Variants in CENPE observed in about 807,000 individuals in gnomAD.
The protein encoded by CENPE is centromere protein E, also known as centromere-associated protein E.
In CENPE, 145 loss-of-function variants were observed where a neutral mutation model predicts 336.1. The ratio of observed to expected loss-of-function variants is 0.43; its 90% CI spans 0.38 to 0.50. The LOEUF (loss-of-function observed/expected upper bound fraction) is 0.50. CENPE is among the 20% of genes least tolerant of loss of function. The pLI is 0.00. For missense variants in CENPE, 2,719 were observed against 3,023.3 expected, an observed-to-expected ratio of 0.90 and a Z score of 2.36; for synonymous variants, 1,013 against 984.8, an observed-to-expected ratio of 1.03 and a Z score of -0.54.
intron 17 of CENPE, 109 bp from the exon 18 acceptor site, chr4:103,163,365 A>C: frequency 1.6e-6 from 2 of 1,279,164 alleles, no homozygotes; most frequent in South Asian, 2.7e-5. Context: ...ATTCAAAGTC[A>C]CTAATATTTT....
chr4:103,119,284 T>C (rs1290107773), intron 44 of CENPE, among the ~76,000 whole-genome samples: 2 of 152,208 alleles, frequency 1.3e-5, no homozygotes, highest in Admixed American at 6.5e-5. Flanking sequence ...TGTTTTTTCA[T>C]TGGCCTCTAG....
At chr4:103,197,417 C>A (rs1309396553) in intron 1 of CENPE, among the ~76,000 whole-genome samples, 1 of 152,214 alleles carries the variant, frequency 6.6e-6, no homozygotes. Context: ...GCTAATAACT[C>A]CTCTAGCAAA....
intron 40 of CENPE, 32 bp from the exon 41 acceptor site, chr4:103,133,924 T>C (rs1370651119): frequency 1.4e-6 from 2 of 1,413,670 alleles, no homozygotes; most frequent in South Asian, 1.2e-5. Context: ...AATTGGTAAA[T>C]GAAAATTTTG....
Position 103,158,615 on chromosome 4 carries a change from A to C in CENPE, c.2873T>G (p.Met958Arg), listed in dbSNP as rs1261675046. The change falls in exon 23 of 49, where the codon ATG (methionine) becomes AGG (arginine). Residue 958 changes from methionine (M) to arginine (R), a missense_variant and splice_region_variant. Around this residue, in one of 5 missense-constraint regions of CENPE, gnomAD observed 2,437 missense variants for 2,513.3 expected, o/e 0.97. Transcript: ENST00000265148. Reference sequence around the variant, plus strand: ...AAGTTTAATCAATCAAAACCTTACCATGTTAACAGTATCGTGAATATCACT... The same window carrying C: ...AAGTTTAATCAATCAAAACCTTACCCTGTTAACAGTATCGTGAATATCACT... ...LKSDIHDTVN[M>R]NIDTQEQLRN... 3 of 1,591,618 alleles carry C rather than the reference A, an allele frequency of 1.9e-6. No homozygotes were observed. Among genetic ancestry groups the C allele is most frequent in the African/African-American group, 1.4e-5 (1 of 73,344 alleles).
Position 103,159,226 on chromosome 4 carries a change from A to C in CENPE, c.2385T>G (p.Leu795=). 1 of 1,612,386 alleles carries C rather than the reference A, an allele frequency of 6.2e-7. No individual in the cohort carries two copies. The highest frequency in any genetic ancestry group is 8.5e-7 in the Non-Finnish European group (1 of 1,178,934). Residue 795 remains leucine (L), a synonymous_variant, in exon 22 of 49, where the codon CTT becomes CTG. Coordinates refer to ENST00000265148, the MANE Select transcript of CENPE (RefSeq NM_001813.3). ...CATCTTTTGTTTTCCCAATTTCTTC[A>C]AGTAAACCTTGAACTCTACTCTCCT... ...VHKESRVQGL[L]EEIGKTKDDL... is the part of the protein sequence containing the mutation.
At chr4:103,156,065 T>C (rs1187674955) in intron 24 of CENPE, among the ~76,000 whole-genome samples, 1 of 152,118 alleles carries the variant, frequency 6.6e-6, no homozygotes, top group African/African-American at 2.4e-5. Flanking sequence ...TGCTGAAAAC[T>C]GTAAATGTTG....
intron 13 of CENPE, among the ~76,000 whole-genome samples, chr4:103,178,346 G>C (rs540399064): frequency 5.3e-5 from 8 of 151,978 alleles, no homozygotes; most frequent in Non-Finnish European, 1.2e-4. Context: ...ACCTACAAAG[G>C]CTAGCCTATT....
At chr4:103,185,423 T>C (rs1756685777) in intron 9 of CENPE, among the ~76,000 whole-genome samples, 1 of 152,012 alleles carries the variant, frequency 6.6e-6, no homozygotes, top group Admixed American at 6.6e-5. Flanking sequence ...GTCTACTAAA[T>C]ATTTTAACTT....
chr4:103,161,253 T>C lies in CENPE; in HGVS notation c.1966-2A>G. The C allele has an allele frequency of 6.2e-7, 1 of 1,607,082 alleles. No homozygotes were observed. The highest frequency in any genetic ancestry group is 8.5e-7 in the Non-Finnish European group (1 of 1,177,534). On this transcript the variant is annotated splice_acceptor_variant, in intron 19 of 48. Transcript: ENST00000265148. LOFTEE classifies it high-confidence loss of function. ...CTTGTATGTAGTTGCAAGTTCTTTC[T>C]ATTGAGAAAAACATTGCAAATGCAC...
chr4:103,181,561 T>C, intron 11 of CENPE, 105 bp from the exon 12 acceptor site: 1 of 920,506 alleles, frequency 1.1e-6, no homozygotes, highest in East Asian at 3.3e-5. Context: ...AAATCAATAC[T>C]CTTTCTAGTT....
intron 26 of CENPE, 75 bp downstream of exon 26, chr4:103,151,144 T>G (rs569174951): frequency 2.2e-6 from 3 of 1,341,690 alleles, no homozygotes; most frequent in East Asian, 2.3e-5. Context: ...TGGATTTAGG[T>G]CTACAGAAAT....
chr4:103,163,411 AGTTACATAT>A (rs1281407430), intron 17 of CENPE, 59 bp downstream of exon 17: 15 of 1,281,376 alleles, frequency 1.2e-5, no homozygotes, highest in Non-Finnish European at 1.7e-5. Context: ...CATCATGTTC[AGTTACATAT>A]GTTGCATGTT....
At chr4:103,179,233 G>A (rs1373892614) in intron 13 of CENPE, among the ~76,000 whole-genome samples, 1 of 152,102 alleles carries the variant, frequency 6.6e-6, no homozygotes, top group Non-Finnish European at 1.5e-5. Context: ...CAACTCCAGA[G>A]CCACAATCTT....
chr4:103,151,144 T>C lies in CENPE; in HGVS notation c.3396+75A>G, dbSNP rs569174951. 30 of 1,341,690 alleles carry C rather than the reference T, an allele frequency of 2.2e-5. No individual in the cohort carries two copies. In the East Asian group the frequency reaches 6.3e-4, roughly 28 times the overall value. The allele number at this position is 1,341,690 out of a possible 1,614,324, so 83.1% of individuals were successfully genotyped here. A position where few individuals can be genotyped will look rare whatever the true frequency, so the allele number is the denominator to read the frequency against. The stretch of plus-strand genomic sequence containing the variant: ...GGTATGTGCTATTTCTGGATTTAGG[T>C]CTACAGAAATAAAAATTACCAAAAA... On this transcript the variant is annotated intron_variant, in intron 26 of 48. Transcript: ENST00000265148.
chr4:103,151,253 C>A lies in CENPE; in HGVS notation c.3362G>T (p.Arg1121Ile). The A allele has an allele frequency of 6.2e-7, 1 of 1,601,766 alleles. No individual in the cohort carries two copies. Among genetic ancestry groups the A allele is most frequent in the South Asian group, 1.1e-5 (1 of 87,046 alleles). ...TAGTTTTTCTTCAACTTCTGCCAGT[C>A]TGTCACAGGTCCTAGAAAGCTCTCC... Reference protein sequence around the residue: ...KEGELSRTCDRLAEVEEKLKE... With the variant: ...KEGELSRTCDILAEVEEKLKE... Residue 1121 changes from arginine (R) to isoleucine (I), a missense_variant, in exon 26 of 49, where the codon AGA becomes ATA. By Grantham distance (97) the Arg-to-Ile change is moderately conservative. Coordinates refer to ENST00000265148, the MANE Select transcript of CENPE (RefSeq NM_001813.3).
chr4:103,107,397 A>C (rs1485294948), intron 48 of CENPE, among the ~76,000 whole-genome samples: 1 of 152,206 alleles, frequency 6.6e-6, no homozygotes, highest in Non-Finnish European at 1.5e-5. Context: ...CTTAATCACA[A>C]AGTAGAGGTT....
intron 29 of CENPE, among the ~76,000 whole-genome samples, chr4:103,146,441 T>A (rs1056961784): frequency 3.9e-5 from 6 of 152,178 alleles, no homozygotes; most frequent in Admixed American, 6.5e-5. Context: ...ACGGCCCAAG[T>A]GTCAAATATA....
At chr4:103,156,456 AG>A (rs1217394630) in intron 24 of CENPE, among the ~76,000 whole-genome samples, 1 of 152,216 alleles carries the variant, frequency 6.6e-6, no homozygotes, top group Non-Finnish European at 1.5e-5. Context: ...ATCTTCAACA[AG>A]GATGCCAAGA....
At chr4:103,176,447 CAATTT>C in intron 14 of CENPE, among the ~76,000 whole-genome samples, 1 of 152,190 alleles carries the variant, frequency 6.6e-6, no homozygotes, top group East Asian at 1.9e-4. Flanking sequence ...ATATAACTAA[CAATTT>C]AATTGAATAA....
Sources: gnomAD v4.1 joint callset for allele counts (sites outside exome capture counted in the v4.1 genomes callset) on GRCh38, gnomAD v4.1.1 for gene constraint, gnomAD v4.1.1 regional missense constraint, MANE v1.5 for transcripts, NCBI Gene and HGNC (gene_info 2026-07-23, HGNC 2026-07-21) for gene names.